Variants in GALNT17 observed in about 807,000 individuals in gnomAD.
GALNT17 encodes polypeptide N-acetylgalactosaminyltransferase 17, also known as UDP-GalNAc:polypeptide N-acetylgalactosaminyltransferase-like 3.
A neutral mutation model predicts 63.7 loss-of-function variants in GALNT17; 29 were observed. The observed-to-expected ratio is 0.46, with a 90% confidence interval of 0.34 to 0.62. GALNT17 has a LOEUF of 0.62. Ranked by LOEUF, GALNT17 falls within the 20% of genes least tolerant of loss-of-function variation. GALNT17 has a pLI of 0.01. For missense variants in GALNT17, 603 were observed against 799.6 expected (o/e 0.75, Z 2.97); for synonymous variants, 305 against 318.3 (o/e 0.96, Z 0.45).
At chr7:71,442,956 A>G (rs4717596) in intron 5 of GALNT17, among the ~76,000 whole-genome samples, 78,867 of 152,012 alleles carry the variant, frequency 0.52, 22,395 homozygotes, top group Non-Finnish European at 0.65. Context: ...AAGAACTTCA[A>G]CTTAAAGGAA....
intron 1 of GALNT17, among the ~76,000 whole-genome samples, chr7:71,310,990 G>A (rs901794014): frequency 3.9e-5 from 6 of 152,206 alleles, no homozygotes; most frequent in Non-Finnish European, 7.3e-5. Context: ...GCAGCTCGCC[G>A]CTGATGAGAT....
chr7:71,352,462 G>A (rs1450840813), intron 2 of GALNT17, among the ~76,000 whole-genome samples: 1 of 152,200 alleles, frequency 6.6e-6, no homozygotes, highest in Non-Finnish European at 1.5e-5. Context: ...TGGGTGCACG[G>A]TAGTGCCATT....
chr7:71,552,125 A>G (rs1365934197), intron 5 of GALNT17, among the ~76,000 whole-genome samples: 3 of 149,784 alleles, frequency 2.0e-5, no homozygotes, highest in Non-Finnish European at 4.4e-5. Flanking sequence ...GGCCACTGCA[A>G]CCTCCACCTC....
chr7:71,601,425 G>A (rs1281399078), intron 6 of GALNT17, among the ~76,000 whole-genome samples: 2 of 152,044 alleles, frequency 1.3e-5, no homozygotes, highest in African/African-American at 4.8e-5. Context: ...TGGATTAGTA[G>A]AGAGCAGGGG....
chr7:71,651,760 G>A (rs879756424), intron 6 of GALNT17, among the ~76,000 whole-genome samples: 1 of 152,142 alleles, frequency 6.6e-6, no homozygotes, highest in Non-Finnish European at 1.5e-5. Flanking sequence ...TGCCCAGGCT[G>A]GAGCGCAGTA....
At chr7:71,511,740 G>A (rs1788359768) in intron 5 of GALNT17, among the ~76,000 whole-genome samples, 1 of 152,082 alleles carries the variant, frequency 6.6e-6, no homozygotes, top group South Asian at 2.1e-4. Context: ...CTATAGTTGG[G>A]CAGTGCACAA....
chr7:71,266,088 A>G (rs1225457470), intron 1 of GALNT17, among the ~76,000 whole-genome samples: 1 of 152,052 alleles, frequency 6.6e-6, no homozygotes, highest in African/African-American at 2.4e-5. Context: ...CTGTGGCTGC[A>G]TCACTTTAGT....
intron 6 of GALNT17, among the ~76,000 whole-genome samples, chr7:71,628,950 T>TA (rs1006548422): frequency 1.3e-5 from 2 of 151,952 alleles, no homozygotes; most frequent in East Asian, 3.9e-4. Flanking sequence ...AATTAAAATT[T>TA]AAAAAAAAGC....
At chr7:71,412,013 C>T (rs1198619430) in intron 3 of GALNT17, among the ~76,000 whole-genome samples, 2 of 152,218 alleles carry the variant, frequency 1.3e-5, no homozygotes, top group Admixed American at 1.3e-4. Context: ...TCTGTTTCAA[C>T]ACCTGCAGAT....
Position 71,456,347 on chromosome 7 carries a change from C to T in GALNT17, c.962+35242C>T, listed in dbSNP as rs140630560. Reference sequence around the variant, plus strand: ...GAATTGTTAGTTCTTTTTTATAATTCGAAAATCAAGTATTATAAGGCCTGG... The same window carrying T: ...GAATTGTTAGTTCTTTTTTATAATTTGAAAATCAAGTATTATAAGGCCTGG... On this transcript the variant is annotated intron_variant, in intron 5 of 10. Transcript: ENST00000333538. Among the ~76,000 whole-genome samples, 158 of 152,068 alleles carry T rather than the reference C, an allele frequency of 1.0e-3. 1 individual carries two copies. The highest frequency in any genetic ancestry group is 3.4e-3 in the African/African-American group (143 of 41,484).
intron 6 of GALNT17, among the ~76,000 whole-genome samples, chr7:71,627,951 G>A (rs1227444465): frequency 6.6e-6 from 1 of 152,210 alleles, no homozygotes; most frequent in East Asian, 1.9e-4. Flanking sequence ...TTGAAGGGGG[G>A]TGCAAAAGAG....
chr7:71,550,663 C>T (rs4719146), intron 5 of GALNT17, among the ~76,000 whole-genome samples: 49,324 of 151,972 alleles, frequency 0.32, 8,766 homozygotes, highest in Middle Eastern at 0.41. Flanking sequence ...GGATTACAGA[C>T]GTGAGCCACC....
chr7:71,529,906 C>T (rs887602422), intron 5 of GALNT17, among the ~76,000 whole-genome samples: 1 of 152,114 alleles, frequency 6.6e-6, no homozygotes, highest in Non-Finnish European at 1.5e-5. Flanking sequence ...GACTCCTGGG[C>T]TTTTCTAGGG....
intron 2 of GALNT17, among the ~76,000 whole-genome samples, chr7:71,353,496 AG>A (rs1332123673): frequency 6.6e-6 from 1 of 152,230 alleles, no homozygotes; most frequent in African/African-American, 2.4e-5. Flanking sequence ...ATTTTGAAAC[AG>A]CCCTTTAGTC....
chr7:71,608,909 G>C (rs1790084528), intron 6 of GALNT17, among the ~76,000 whole-genome samples: 1 of 151,772 alleles, frequency 6.6e-6, no homozygotes. Flanking sequence ...CTCCCAAGTA[G>C]CTGGGGACTA....
chr7:71,509,057 T>G (rs1025244241), intron 5 of GALNT17, among the ~76,000 whole-genome samples: 8 of 152,312 alleles, frequency 5.3e-5, no homozygotes, highest in African/African-American at 1.4e-4. Context: ...CTTACGATGG[T>G]TCGACTTAAC....
chr7:71,612,123 T>TC (rs2116954109), intron 6 of GALNT17, among the ~76,000 whole-genome samples: 1 of 152,278 alleles, frequency 6.6e-6, no homozygotes, highest in African/African-American at 2.4e-5. Context: ...AATGGAATGT[T>TC]CCCCCAGTGC....
chr7:71,192,253 C>A (rs113695034), intron 1 of GALNT17, among the ~76,000 whole-genome samples: 5 of 152,284 alleles, frequency 3.3e-5, no homozygotes, highest in Admixed American at 1.3e-4. Flanking sequence ...GAGGGTGGGT[C>A]TGTCTCTCCC....
At chr7:71,320,140 C>T (rs1791578015) in intron 1 of GALNT17, among the ~76,000 whole-genome samples, 1 of 152,168 alleles carries the variant, frequency 6.6e-6, no homozygotes. Context: ...GATACATACT[C>T]TCTGCCCTCT....
Sources: gnomAD v4.1 joint callset for allele counts (sites outside exome capture counted in the v4.1 genomes callset) on GRCh38, gnomAD v4.1.1 for gene constraint, MANE v1.5 for transcripts, NCBI Gene and HGNC (gene_info 2026-07-23, HGNC 2026-07-21) for gene names.